PTPN5: variants seen among roughly 807,000 people sequenced by gnomAD.
The protein encoded by PTPN5 is protein tyrosine phosphatase non-receptor type 5.
PTPN5 carries 29 observed loss-of-function variants against 73.9 expected under a neutral mutation model. The ratio of observed to expected loss-of-function variants is 0.39; its 90% CI spans 0.29 to 0.54. PTPN5 has a LOEUF of 0.54. Ranked by LOEUF, PTPN5 falls within the 20% of genes least tolerant of loss-of-function variation. The pLI, the probability that PTPN5 is intolerant of heterozygous loss-of-function variation, is 0.65. For missense variants in PTPN5, 652 were observed against 751.4 expected (o/e 0.87, Z 1.55); for synonymous variants, 267 against 304.7 (o/e 0.88, Z 1.29).
intron 1 of PTPN5, among the ~76,000 whole-genome samples, chr11:18,782,825 C>A (rs1851502192): frequency 6.6e-6 from 1 of 152,154 alleles, no homozygotes; most frequent in East Asian, 1.9e-4. Context: ...GAAGGGTGCT[C>A]CAGGCAAATA....
chr11:18,776,680 G>A (rs1369428770), intron 1 of PTPN5, among the ~76,000 whole-genome samples: 3 of 152,146 alleles, frequency 2.0e-5, no homozygotes, highest in Non-Finnish European at 2.9e-5. Flanking sequence ...CATATAGTTG[G>A]TATGTTGCAG....
chr11:18,775,056 T>A (rs1851081394), intron 1 of PTPN5, among the ~76,000 whole-genome samples: 1 of 152,198 alleles, frequency 6.6e-6, no homozygotes. Context: ...GGGCAGGTGT[T>A]AGCAAACTCA....
At position 18,729,625 on chromosome 11, in the gene PTPN5, G is replaced by A; in HGVS notation, c.1490+33C>T. 6.3e-7 allele frequency: 1 copy of A among 1,575,372 alleles called. No individual in the cohort carries two copies. Among genetic ancestry groups the A allele is most frequent in the Non-Finnish European group, 8.6e-7 (1 of 1,163,152 alleles). ...AGGGCAGCCCAGCGGGTGGGGGGCTGCCCCGCTCCAGTGGCTGGCTGGGAG... is the reference window on the plus strand; with the variant it reads ...AGGGCAGCCCAGCGGGTGGGGGGCTACCCCGCTCCAGTGGCTGGCTGGGAG... On this transcript the variant is annotated intron_variant, in intron 13 of 14. Coordinates refer to ENST00000358540, the MANE Select transcript of PTPN5 (RefSeq NM_006906.2). This position sits in a 1 kb window ranked among gnomAD's most constrained non-coding sequence, Gnocchi z 5.2.
chr11:18,729,588 G>C lies in PTPN5; in HGVS notation c.1491-22C>G, dbSNP rs748235071. 65 of 1,571,060 alleles carry C rather than the reference G, an allele frequency of 4.1e-5. No individual in the cohort carries two copies. Among genetic ancestry groups the C allele is most frequent in the Non-Finnish European group, 5.5e-5 (63 of 1,154,108 alleles). On this transcript the variant is annotated intron_variant, in intron 13 of 14. Transcript: ENST00000358540. The surrounding 1 kb of genome is among the most constrained non-coding windows in gnomAD (Gnocchi z 5.2). ...TGCACTGAGGGCCGAGGGGACCGGT[G>C]GGGTGAGGGGCAGGGCAGCCCAGCG...
upstream of PTPN5, chr11:18,791,815 G>C (rs918125825): frequency 2.0e-5 from 3 of 152,040 alleles, no homozygotes; most frequent in African/African-American, 7.2e-5. Context: ...GCAGCCGCCG[G>C]GTGGGTTTGG....
Position 18,729,657 on chromosome 11 carries a change from C to A in PTPN5, c.1490+1G>T, listed in dbSNP as rs201497232. ...TCCAGTGGCTGGCTGGGAGGACCCACCTGCAGTGGACGATGATGGGGGCAC... is the reference window on the plus strand; with the variant it reads ...TCCAGTGGCTGGCTGGGAGGACCCAACTGCAGTGGACGATGATGGGGGCAC... On this transcript the variant is annotated splice_donor_variant, in intron 13 of 14. Transcript: ENST00000358540. LOFTEE classifies it high-confidence loss of function. The surrounding 1 kb of genome is among the most constrained non-coding windows in gnomAD (Gnocchi z 5.2). 1.3e-6 allele frequency: 2 copies of A among 1,574,186 alleles called. No individual in the cohort carries two copies. The highest frequency in any genetic ancestry group is 1.7e-5 in the Admixed American group (1 of 58,076).
chr11:18,742,263 T>C lies in PTPN5; in HGVS notation c.724A>G (p.Arg242Gly), dbSNP rs1405777880. ...CCACCCCTCCTCCACCCCTCCCACC[T>C]CTCCTGCAGACCCATGGACTTGACG... ...LTVKSMGLQE[R>G]RGSNVSLTLD... is the part of the protein sequence containing the mutation. Residue 242 changes from arginine to glycine, a missense_variant and splice_region_variant, in exon 7 of 15, where the codon AGG (arginine) becomes GGG (glycine). Arg to Gly is a moderately radical substitution (Grantham distance 125). Coordinates refer to ENST00000358540, the MANE Select transcript of PTPN5 (RefSeq NM_006906.2). This position sits in a 1 kb window ranked among gnomAD's most constrained non-coding sequence, Gnocchi z 4.1. 6.2e-7 allele frequency: 1 copy of C among 1,613,492 alleles called. No individual in the cohort carries two copies. The highest frequency in any genetic ancestry group is 8.5e-7 in the Non-Finnish European group (1 of 1,179,704).
Position 18,729,074 on chromosome 11 carries a change from G to A in PTPN5, c.1605-47C>T. Reference sequence around the variant, plus strand: ...TGGGGGCAGGGTCGTGGAGGGATGGGCTGTGGGAGGTGCCCCAAAAGCCAT... The same window carrying A: ...TGGGGGCAGGGTCGTGGAGGGATGGACTGTGGGAGGTGCCCCAAAAGCCAT... On this transcript the variant is annotated intron_variant, in intron 14 of 14. Coordinates refer to ENST00000358540, the MANE Select transcript of PTPN5 (RefSeq NM_006906.2). The surrounding 1 kb of genome is among the most constrained non-coding windows in gnomAD (Gnocchi z 5.2). 6.3e-7 allele frequency: 1 copy of A among 1,588,640 alleles called. No individual in the cohort carries two copies. The highest frequency in any genetic ancestry group is 1.1e-5 in the South Asian group (1 of 89,196).
chr11:18,747,152 ATTTTT>A (rs10618446), intron 3 of PTPN5, among the ~76,000 whole-genome samples: 86 of 148,076 alleles, frequency 5.8e-4, no homozygotes, highest in Admixed American at 8.7e-4. Flanking sequence ...ACTTGGCTGC[ATTTTT>A]TTTTTTTTTT....
chr11:18,753,313 G>A (rs1225979141), intron 3 of PTPN5, among the ~76,000 whole-genome samples: 1 of 152,176 alleles, frequency 6.6e-6, no homozygotes, highest in African/African-American at 2.4e-5. Context: ...GTGATCTTCG[G>A]CATCCATCTC....
intron 3 of PTPN5, among the ~76,000 whole-genome samples, chr11:18,763,092 G>A (rs2134289889): frequency 6.6e-6 from 1 of 152,324 alleles, no homozygotes; most frequent in East Asian, 1.9e-4. Flanking sequence ...CCCCATGGAG[G>A]AGGCAAATAA....
Position 18,754,331 on chromosome 11 carries a change from C to T in PTPN5, c.98-10132G>A, listed in dbSNP as rs983603011. ...CTGGCTGTCTGGGAATCAACAACTC[C>T]GAACGGAGAAAGACTCATGGACTGA... On this transcript the variant is annotated intron_variant, in intron 3 of 14. Transcript: ENST00000358540. Among the ~76,000 whole-genome samples, 4 of 152,128 alleles carry T rather than the reference C, an allele frequency of 2.6e-5. No homozygotes were observed. In the South Asian group the frequency reaches 6.2e-4, roughly 24 times the overall value.
At chr11:18,783,599 A>G (rs1247689724) in intron 1 of PTPN5, among the ~76,000 whole-genome samples, 1 of 152,232 alleles carries the variant, frequency 6.6e-6, no homozygotes, top group African/African-American at 2.4e-5. Flanking sequence ...CAAATTGAGG[A>G]TAACAGAAAC....
At chr11:18,747,949 C>T (rs1849714142) in intron 3 of PTPN5, among the ~76,000 whole-genome samples, 1 of 152,178 alleles carries the variant, frequency 6.6e-6, no homozygotes, top group Non-Finnish European at 1.5e-5. Context: ...CAGGTAGTAA[C>T]ACCAGTTCTT....
At chr11:18,756,826 A>G (rs1850164409) in intron 3 of PTPN5, among the ~76,000 whole-genome samples, 1 of 150,940 alleles carries the variant, frequency 6.6e-6, no homozygotes, top group Admixed American at 6.6e-5. Flanking sequence ...CGGGAGGCTG[A>G]GGCAGGAGAA....
chr11:18,727,962 A>G lies in PTPN5; in HGVS notation c.*972T>C, dbSNP rs1363344929. 1 of 152,638 alleles carries G rather than the reference A, an allele frequency of 6.6e-6. No individual in the cohort carries two copies. The allele number at this position is 152,638 out of a possible 1,614,324, so 9.5% of individuals were successfully genotyped here. ...CTCAAAATGCTCCGTTTATTGCTCT[A>G]TTCAATGACCACGAGCGAATTATAA... is the stretch of plus-strand genomic sequence containing the variant. On this transcript the variant is annotated 3_prime_UTR_variant, in exon 15 of 15. Coordinates refer to ENST00000358540, the MANE Select transcript of PTPN5 (RefSeq NM_006906.2).
At chr11:18,777,249 C>T (rs1057255798) in intron 1 of PTPN5, among the ~76,000 whole-genome samples, 3 of 152,210 alleles carry the variant, frequency 2.0e-5, no homozygotes, top group African/African-American at 7.2e-5. Context: ...CAAGGCTCCC[C>T]CACTGGCTGC....
chr11:18,791,605 C>T lies in PTPN5; in HGVS notation c.-194G>A, dbSNP rs1851933457. On this transcript the variant is annotated 5_prime_UTR_variant, in exon 1 of 15. Transcript: ENST00000358540. ...GCGCGCGCGAGTGTGCGTGTGTCTG[C>T]GTGTGTCCCTGCTTGTGTCTGTGCC... 6.5e-6 allele frequency: 1 copy of T among 152,724 alleles called. No individual in the cohort carries two copies. Among genetic ancestry groups the T allele is most frequent in the Non-Finnish European group, 1.5e-5 (1 of 68,540 alleles). 9.5% of individuals were successfully genotyped at this position (152,724 alleles called of 1,614,324 possible).
intron 3 of PTPN5, among the ~76,000 whole-genome samples, chr11:18,756,297 T>A (rs1687931436): frequency 6.8e-6 from 1 of 146,264 alleles, no homozygotes; most frequent in Admixed American, 6.9e-5. Context: ...TCCTTCACTT[T>A]TTTTTTTTTT....
Sources: allele counts gnomAD v4.1 joint callset (sites outside exome capture counted in the v4.1 genomes callset), GRCh38; gene constraint gnomAD v4.1.1; non-coding constraint Gnocchi (gnomAD v3.1); transcripts MANE v1.5; gene names NCBI Gene and HGNC (gene_info 2026-07-23, HGNC 2026-07-21).